The following THSD4 variants were observed in gnomAD, a reference collection of about 807,000 sequenced individuals.
THSD4 encodes the protein thrombospondin type 1 domain containing 4.
THSD4 carries 69 observed loss-of-function variants against 119.0 expected under a neutral mutation model. The observed-to-expected ratio is 0.58, with a 90% confidence interval of 0.48 to 0.71. The LOEUF (loss-of-function observed/expected upper bound fraction) is 0.71, where lower values mean the gene tolerates loss of function less well. Among genes scored for constraint, THSD4 ranks in the 30% least tolerant of loss-of-function variants. The probability of loss-of-function intolerance (pLI) is 0.00; values close to 1 mark genes in which losing one functional copy is unlikely to be tolerated. For synonymous variants in THSD4, 524 were observed against 540.4 expected, an observed-to-expected ratio of 0.97 and a Z score of 0.42; for missense variants, 1,393 against 1,391.1, an observed-to-expected ratio of 1.00 and a Z score of -0.02.
chr15:71,736,926 A>G (rs567104141), intron 10 of THSD4, among the ~76,000 whole-genome samples: 1 of 152,346 alleles, frequency 6.6e-6, no homozygotes, highest in African/African-American at 2.4e-5. Flanking sequence ...ACAAATTAGT[A>G]TCTCAAAAAG....
rs1446724380 is a variant in THSD4, at chr15:71,438,164, T to TA, written c.1152+26342dup. ...CCCTCACCCTCGCCCAGGAACCACTTACATTCCTTTTGTGTGATCTGTCTT... is the reference window on the plus strand; with the variant it reads ...CCCTCACCCTCGCCCAGGAACCACTTAACATTCCTTTTGTGTGATCTGTCTT... On this transcript the variant is annotated intron_variant, in intron 7 of 17. Transcript: ENST00000261862. Among the ~76,000 whole-genome samples the TA allele has an allele frequency of 2.0e-5, 3 of 152,352 alleles. No individual in the cohort carries two copies. In the East Asian group the frequency reaches 5.8e-4, roughly 29 times the overall value.
At chr15:71,148,235 C>G (rs1239465692) in intron 2 of THSD4, among the ~76,000 whole-genome samples, 5 of 152,146 alleles carry the variant, frequency 3.3e-5, no homozygotes, top group African/African-American at 1.2e-4. Context: ...TTTCCAAGAC[C>G]AAGGCAGATC....
intron 1 of THSD4, among the ~76,000 whole-genome samples, chr15:71,121,630 T>G (rs2040410087): frequency 6.6e-6 from 1 of 152,178 alleles, no homozygotes; most frequent in African/African-American, 2.4e-5. Context: ...CATGCTAGGT[T>G]GTCAGACTAC....
At position 71,435,746 on chromosome 15, in the gene THSD4, A is replaced by G. The variant is rs112986481; in HGVS notation, c.1152+23923A>G. Among the ~76,000 whole-genome samples, 267 of 152,288 alleles carry G rather than the reference A, an allele frequency of 1.8e-3. 1 individual carries two copies. Among genetic ancestry groups the G allele is most frequent in the African/African-American group, 6.2e-3 (257 of 41,560 alleles). On this transcript the variant is annotated intron_variant, in intron 7 of 17. Coordinates refer to ENST00000261862, the MANE Select transcript of THSD4 (RefSeq NM_024817.3). ...TATGAGCACATGGACACGTGGCCAC[A>G]TGGGGGTGCCTCTAGTCACAGACCT...
intron 11 of THSD4, among the ~76,000 whole-genome samples, chr15:71,738,502 C>T (rs964909255): frequency 2.6e-5 from 4 of 152,044 alleles, no homozygotes; most frequent in Admixed American, 1.3e-4. Flanking sequence ...AAAGGGCTTA[C>T]GAGACCCAGA....
At chr15:71,657,523 C>G (rs1220870351) in intron 7 of THSD4, among the ~76,000 whole-genome samples, 2 of 152,180 alleles carry the variant, frequency 1.3e-5, no homozygotes, top group African/African-American at 2.4e-5. Flanking sequence ...CTGGAGTTGT[C>G]CCTCTTGCTT....
intron 2 of THSD4, among the ~76,000 whole-genome samples, chr15:71,153,781 T>G (rs932055512): frequency 6.6e-6 from 1 of 152,212 alleles, no homozygotes; most frequent in Non-Finnish European, 1.5e-5. Flanking sequence ...TTATTTAACT[T>G]AGGTTAAATA....
chr15:71,561,675 AAGG>A (rs978439718), intron 7 of THSD4, among the ~76,000 whole-genome samples: 5 of 152,138 alleles, frequency 3.3e-5, no homozygotes, highest in Non-Finnish European at 7.4e-5. Context: ...ATTGGAGAGA[AAGG>A]AGAAGAAAAT....
At chr15:71,284,250 AAAG>A (rs1465480723) in intron 6 of THSD4, among the ~76,000 whole-genome samples, 2 of 152,178 alleles carry the variant, frequency 1.3e-5, no homozygotes, top group Admixed American at 6.5e-5. Context: ...ATTGAGGAAA[AAAG>A]ATATGATTTT....
chr15:71,518,198 TACCTCCCCCC>T (rs2048388112), intron 7 of THSD4, among the ~76,000 whole-genome samples: 1 of 152,172 alleles, frequency 6.6e-6, no homozygotes, highest in Non-Finnish European at 1.5e-5. Context: ...GAAACCTGTT[TACCTCCCCCC>T]ACCTCCCCAC....
chr15:71,219,314 G>A (rs977050233), intron 4 of THSD4, among the ~76,000 whole-genome samples: 4 of 152,336 alleles, frequency 2.6e-5, no homozygotes, highest in Non-Finnish European at 4.4e-5. Context: ...AGTTTGGGAA[G>A]CACTGGTCTG....
At chr15:71,265,456 C>T (rs945513173) in intron 6 of THSD4, among the ~76,000 whole-genome samples, 2 of 152,166 alleles carry the variant, frequency 1.3e-5, no homozygotes, top group African/African-American at 4.8e-5. Context: ...TCTTTGCAAC[C>T]TGCAGACTAG....
intron 7 of THSD4, among the ~76,000 whole-genome samples, chr15:71,459,307 T>G (rs1418628143): frequency 6.6e-6 from 1 of 151,848 alleles, no homozygotes; most frequent in Non-Finnish European, 1.5e-5. Flanking sequence ...TACAGGCATG[T>G]GCCACCATGC....
At chr15:71,736,163 GTC>G (rs2053098299) in intron 10 of THSD4, among the ~76,000 whole-genome samples, 1 of 45,520 alleles carries the variant, frequency 2.2e-5, no homozygotes, top group Non-Finnish European at 5.4e-5. Context: ...CTTGCTCTCT[GTC>G]TCTGTCTCTC....
intron 7 of THSD4, among the ~76,000 whole-genome samples, chr15:71,612,625 A>G (rs2050251171): frequency 6.6e-6 from 1 of 152,140 alleles, no homozygotes; most frequent in Non-Finnish European, 1.5e-5. Flanking sequence ...CTTTTGACAC[A>G]TTGCTAGGGG....
At chr15:71,317,130 A>G (rs2045198205) in intron 6 of THSD4, among the ~76,000 whole-genome samples, 1 of 152,220 alleles carries the variant, frequency 6.6e-6, no homozygotes, top group Non-Finnish European at 1.5e-5. Flanking sequence ...AAAATAGTCA[A>G]CATACAAGTG....
chr15:71,372,541 C>G (rs914249645), intron 6 of THSD4, among the ~76,000 whole-genome samples: 13 of 152,250 alleles, frequency 8.5e-5, no homozygotes, highest in Non-Finnish European at 1.8e-4. Context: ...TGCTGGATGT[C>G]CACTGCAGAC....
chr15:71,665,097 T>G (rs2051390695), intron 8 of THSD4, among the ~76,000 whole-genome samples: 1 of 152,232 alleles, frequency 6.6e-6, no homozygotes, highest in Non-Finnish European at 1.5e-5. Flanking sequence ...TGGAAAATAT[T>G]TACATTTCCA....
intron 6 of THSD4, among the ~76,000 whole-genome samples, chr15:71,369,682 G>A (rs2046016343): frequency 6.6e-6 from 1 of 152,172 alleles, no homozygotes; most frequent in African/African-American, 2.4e-5. Context: ...GATTTGGTTT[G>A]CCAGTATTTT....
Sources: gnomAD v4.1 joint callset for allele counts (sites outside exome capture counted in the v4.1 genomes callset) on GRCh38, gnomAD v4.1.1 for gene constraint, MANE v1.5 for transcripts, NCBI Gene and HGNC (gene_info 2026-07-23, HGNC 2026-07-21) for gene names.